FBXO36: variants seen among roughly 807,000 people sequenced by gnomAD.
FBXO36 encodes the protein F-box protein 36.
Under a neutral mutation model 17.0 loss-of-function variants are expected in FBXO36, and 18 were observed. That is an observed-to-expected ratio of 1.06 (90% CI 0.73 to 1.57). The LOEUF is 1.57. Ranked by LOEUF, FBXO36 falls within the 40% of genes most tolerant of loss-of-function variation. The probability of loss-of-function intolerance (pLI) is 0.00; values close to 1 mark genes in which losing one functional copy is unlikely to be tolerated. For missense variants in FBXO36, 229 were observed against 221.9 expected, an observed-to-expected ratio of 1.03 and a Z score of -0.20; for synonymous variants, 83 against 85.3, an observed-to-expected ratio of 0.97 and a Z score of 0.15.
chr2:229,940,757 G>A (rs1287168624), intron 1 of FBXO36, among the ~76,000 whole-genome samples: 1 of 152,118 alleles, frequency 6.6e-6, no homozygotes, highest in Admixed American at 6.6e-5. Context: ...AAGCTAAGAA[G>A]AGACTTCTTC....
At chr2:229,948,822 A>C (rs1182217201) in intron 1 of FBXO36, among the ~76,000 whole-genome samples, 1 of 151,928 alleles carries the variant, frequency 6.6e-6, no homozygotes, top group Non-Finnish European at 1.5e-5. Flanking sequence ...CTGCCTCTTT[A>C]TTTTATTTTA....
chr2:229,966,826 C>A (rs1293634412), intron 1 of FBXO36, among the ~76,000 whole-genome samples: 1 of 152,154 alleles, frequency 6.6e-6, no homozygotes, highest in Non-Finnish European at 1.5e-5. Flanking sequence ...ATGCCTCCAG[C>A]TTTGTTCTTT....
chr2:230,012,431 G>C lies in FBXO36; in HGVS notation c.*1547G>C, dbSNP rs531688331. On this transcript the variant is annotated 3_prime_UTR_variant, in exon 4 of 4. Coordinates refer to ENST00000283946, the MANE Select transcript of FBXO36 (RefSeq NM_174899.5). The stretch of plus-strand genomic sequence containing the variant: ...AGGTACACACAGTCAAAAGTTTTCC[G>C]TGACTGTGAAATCCAGTGCAATCTG... 6.6e-6 allele frequency: 1 copy of C among 152,046 alleles called. No homozygotes were observed. Among genetic ancestry groups the C allele is most frequent in the Non-Finnish European group, 1.5e-5 (1 of 67,978 alleles). The allele number at this position is 152,046 out of a possible 1,614,324, so 9.4% of individuals were successfully genotyped here. A position where few individuals can be genotyped will look rare whatever the true frequency, so the allele number is the denominator to read the frequency against.
intron 1 of FBXO36, among the ~76,000 whole-genome samples, chr2:229,942,342 C>G (rs907509030): frequency 2.0e-5 from 3 of 152,172 alleles, no homozygotes; most frequent in African/African-American, 7.2e-5. Flanking sequence ...CTTCCCTTTC[C>G]CTTTCTCTTC....
In FBXO36 at chr2:229,998,915, G is replaced by A. The variant is rs1006173287; in HGVS notation, c.378+1992G>A. Reference sequence around the variant, plus strand: ...CCTCCCAGGTTCACGCCATTCTCCTGCCTCAGCCTCCCGAGTAGCTGGGAC... The same window carrying A: ...CCTCCCAGGTTCACGCCATTCTCCTACCTCAGCCTCCCGAGTAGCTGGGAC... On this transcript the variant is annotated intron_variant, in intron 3 of 3. Coordinates refer to ENST00000283946, the MANE Select transcript of FBXO36 (RefSeq NM_174899.5). 6.1e-5 allele frequency among the ~76,000 whole-genome samples: 9 copies of A among 148,162 alleles called. No individual in the cohort carries two copies. In the Admixed American group the frequency reaches 6.2e-4, roughly 10 times the overall value.
intron 1 of FBXO36, among the ~76,000 whole-genome samples, chr2:229,945,553 G>A (rs375063473): frequency 3.1e-4 from 47 of 151,100 alleles, no homozygotes; most frequent in African/African-American, 1.1e-3. Context: ...TGATCCACCC[G>A]CCTTGGCTTC....
intron 1 of FBXO36, among the ~76,000 whole-genome samples, chr2:229,941,774 T>C (rs540718315): frequency 3.3e-5 from 5 of 152,270 alleles, no homozygotes; most frequent in African/African-American, 1.2e-4. Flanking sequence ...CCCAGCACTT[T>C]GGGAGGCCGA....
chr2:229,954,234 A>ATTTTTTTTTTTTTTT lies in FBXO36; in HGVS notation c.97-21995_97-21981dup, dbSNP rs60093081. Among the ~76,000 whole-genome samples, 211 of 71,370 alleles carry ATTTTTTTTTTTTTTT rather than the reference A, an allele frequency of 3.0e-3. 44 individuals carry two copies. Among genetic ancestry groups the ATTTTTTTTTTTTTTT allele is most frequent in the Admixed American group, 4.5e-3 (17 of 3,818 alleles). The allele number at this position is 71,370 out of a possible 152,430, so 46.8% of individuals were successfully genotyped here. ...GCAACTGTCATTACAAACCCTTTGG[A>ATTTTTTTTTTTTTTT]TTTTTTTTTTTTTTTTTTTTTTTTT... On this transcript the variant is annotated intron_variant, in intron 1 of 3. Transcript: ENST00000283946.
chr2:229,960,922 A>T lies in FBXO36; in HGVS notation c.97-15319A>T, dbSNP rs2077117361. Among the ~76,000 whole-genome samples the T allele has an allele frequency of 1.3e-5, 2 of 152,148 alleles. 1 individual carries two copies. Among genetic ancestry groups the T allele is most frequent in the South Asian group, 4.1e-4 (2 of 4,828 alleles). On this transcript the variant is annotated intron_variant, in intron 1 of 3. Transcript: ENST00000283946. ...TCAGGAGTTCGAGACCAGCCTGGCC[A>T]ACATGATGAAACCCCAACTCTACTA...
chr2:229,932,379 G>T (rs2076943162), intron 1 of FBXO36, among the ~76,000 whole-genome samples: 1 of 152,128 alleles, frequency 6.6e-6, no homozygotes, highest in African/African-American at 2.4e-5. Flanking sequence ...AATTAGCCTG[G>T]TGTAGTGGTG....
chr2:229,977,011 G>C (rs1040597905), intron 2 of FBXO36: 1 of 152,030 alleles, frequency 6.6e-6, no homozygotes, highest in African/African-American at 2.4e-5. Context: ...ATATTTGATT[G>C]GTTACAGTGG....
At position 230,010,744 on chromosome 2, in the gene FBXO36, G is replaced by A. The variant is rs756065810; in HGVS notation, c.427G>A (p.Asp143Asn). ...GGAACAGATAGTCCAGTCGACCTGC[G>A]ACACCATCACTCCTGACGTGAGGGC... is the stretch of plus-strand genomic sequence containing the variant. ...LWEQIVQSTC[D>N]TITPDVRALA... The change falls in exon 4 of 4, where the codon GAC (aspartate) becomes AAC (asparagine). Residue 143 changes from aspartate to asparagine, a missense_variant. By Grantham distance (23) the Asp-to-Asn change is conservative (BLOSUM62 1). Coordinates refer to ENST00000283946, the MANE Select transcript of FBXO36 (RefSeq NM_174899.5). 1.1e-5 allele frequency: 17 copies of A among 1,613,576 alleles called. No homozygotes were observed. In the East Asian group the frequency reaches 1.1e-4, roughly 11 times the overall value.
intron 1 of FBXO36, among the ~76,000 whole-genome samples, chr2:229,958,966 C>G (rs1050653861): frequency 2.6e-5 from 4 of 152,194 alleles, no homozygotes; most frequent in South Asian, 2.1e-4. Flanking sequence ...CACCCAAGGT[C>G]ACCCAGTTAG....
intron 2 of FBXO36, among the ~76,000 whole-genome samples, chr2:229,996,376 C>T (rs906110161): frequency 2.0e-5 from 3 of 152,112 alleles, no homozygotes; most frequent in Admixed American, 6.5e-5. Context: ...GCCACGTGGA[C>T]CAGCATCTTT....
chr2:230,002,581 G>A (rs910630267), intron 3 of FBXO36, among the ~76,000 whole-genome samples: 2 of 151,920 alleles, frequency 1.3e-5, no homozygotes, highest in African/African-American at 4.8e-5. Context: ...ACAGGGTTTT[G>A]CCATCTTGCG....
Position 229,922,584 on chromosome 2 carries a change from A to AC in FBXO36, c.73dup (p.Gln25ProfsTer12), listed in dbSNP as rs759116467. On this transcript the variant is annotated frameshift_variant, in exon 1 of 4. Coordinates refer to ENST00000283946, the MANE Select transcript of FBXO36 (RefSeq NM_174899.5). LOFTEE classifies it high-confidence loss of function. ...GGCCCGCCGCCTAGCAAAGACTATTACCAGTTACTGGTCACCCGGTCTCAG... is the reference window on the plus strand; with the variant it reads ...GGCCCGCCGCCTAGCAAAGACTATTACCCAGTTACTGGTCACCCGGTCTCAG... 6.2e-7 allele frequency: 1 copy of AC among 1,613,968 alleles called. No homozygotes were observed. Among genetic ancestry groups the AC allele is most frequent in the Admixed American group, 1.7e-5 (1 of 60,004 alleles).
chr2:229,992,555 C>G (rs914310314), intron 2 of FBXO36, among the ~76,000 whole-genome samples: 2 of 152,142 alleles, frequency 1.3e-5, no homozygotes, highest in African/African-American at 4.8e-5. Context: ...CCAACCCTCT[C>G]GTCACACTCA....
intron 2 of FBXO36, among the ~76,000 whole-genome samples, chr2:229,982,332 C>T (rs1202185620): frequency 6.6e-6 from 1 of 152,004 alleles, no homozygotes; most frequent in Non-Finnish European, 1.5e-5. Context: ...AGCCTCCTTC[C>T]TCTATCTGCA....
At position 229,989,565 on chromosome 2, in the gene FBXO36, T is replaced by C. The variant is rs370606871; in HGVS notation, c.206-7186T>C. Among the ~76,000 whole-genome samples the C allele has an allele frequency of 1.3e-4, 19 of 145,896 alleles. No individual in the cohort carries two copies. The East Asian group carries it at 1.9e-3, about 14-fold the overall frequency. On this transcript the variant is annotated intron_variant, in intron 2 of 3. Transcript: ENST00000283946. Reference sequence around the variant, plus strand: ...AGCCACCACGCCCGGCCATGATATATTTTGTTTGTTGTTTGTTTCAGAGTC... The same window carrying C: ...AGCCACCACGCCCGGCCATGATATACTTTGTTTGTTGTTTGTTTCAGAGTC...
Sources: allele counts gnomAD v4.1 joint callset (sites outside exome capture counted in the v4.1 genomes callset), GRCh38; gene constraint gnomAD v4.1.1; transcripts MANE v1.5; gene names NCBI Gene and HGNC (gene_info 2026-07-23, HGNC 2026-07-21).